LARS2: variants seen among roughly 807,000 people sequenced by gnomAD.
LARS2 encodes leucine--tRNA ligase, mitochondrial.
A neutral mutation model predicts 116.6 loss-of-function variants in LARS2; 81 were observed. The observed-to-expected ratio is 0.69, with a 90% CI of 0.58 to 0.84. The LOEUF (loss-of-function observed/expected upper bound fraction) is 0.84. LARS2 is among the 40% of genes least tolerant of loss of function. The pLI is 0.00. For synonymous variants in LARS2, 396 were observed against 407.2 expected (o/e 0.97, Z 0.33); for missense variants, 968 against 1,114.5 (o/e 0.87, Z 1.87).
At chr3:45,471,740 G>C (rs959777224) in intron 8 of LARS2, among the ~76,000 whole-genome samples, 1 of 152,170 alleles carries the variant, frequency 6.6e-6, no homozygotes, top group Non-Finnish European at 1.5e-5. Flanking sequence ...TTGGTCTTTG[G>C]AGAGGAAAAG....
At chr3:45,469,845 G>A (rs374022992) in intron 8 of LARS2, among the ~76,000 whole-genome samples, 1 of 151,990 alleles carries the variant, frequency 6.6e-6, no homozygotes, top group African/African-American at 2.4e-5. Context: ...AGAAATTTTG[G>A]CAACAAGAGT....
At chr3:45,531,241 TAA>T (rs201711221) in intron 20 of LARS2, among the ~76,000 whole-genome samples, 4 of 152,118 alleles carry the variant, frequency 2.6e-5, no homozygotes, top group African/African-American at 9.7e-5. Context: ...TGTAGACTGA[TAA>T]AAAACTATAA....
intron 20 of LARS2, among the ~76,000 whole-genome samples, chr3:45,525,842 T>G (rs766801186): frequency 3.3e-5 from 5 of 152,240 alleles, no homozygotes; most frequent in Admixed American, 6.5e-5. Flanking sequence ...CTTTCCATTC[T>G]GGAATTCGGG....
At chr3:45,452,708 A>C (rs951738766) in intron 7 of LARS2, among the ~76,000 whole-genome samples, 2 of 152,086 alleles carry the variant, frequency 1.3e-5, no homozygotes, top group Admixed American at 1.3e-4. Context: ...TATAGAATGA[A>C]TTTGGAAGAA....
intron 6 of LARS2, among the ~76,000 whole-genome samples, chr3:45,438,132 T>C (rs974873601): frequency 6.6e-6 from 1 of 152,182 alleles, no homozygotes; most frequent in African/African-American, 2.4e-5. Flanking sequence ...CTGGACCAAG[T>C]ACTTTGTCAG....
At chr3:45,478,587 A>T (rs1258840631) in intron 10 of LARS2, among the ~76,000 whole-genome samples, 1 of 152,216 alleles carries the variant, frequency 6.6e-6, no homozygotes, top group Non-Finnish European at 1.5e-5. Flanking sequence ...GACCTGGCCT[A>T]GTCATTTCAT....
chr3:45,412,210 A>G (rs1270082245), intron 4 of LARS2, among the ~76,000 whole-genome samples: 1 of 152,084 alleles, frequency 6.6e-6, no homozygotes, highest in African/African-American at 2.4e-5. Flanking sequence ...TATACCCAGT[A>G]ATGGGATTGC....
chr3:45,526,002 G>C (rs930801264), intron 20 of LARS2, among the ~76,000 whole-genome samples: 1 of 152,206 alleles, frequency 6.6e-6, no homozygotes, highest in African/African-American at 2.4e-5. Flanking sequence ...GGGAAAGAGA[G>C]AGGAGGAGGA....
chr3:45,458,725 G>A lies in LARS2; in HGVS notation c.607-18G>A, dbSNP rs1699258330. On this transcript the variant is annotated intron_variant, in intron 7 of 21. Transcript: ENST00000645846. The stretch of plus-strand genomic sequence containing the variant: ...AGTACTCACCAGATTGTGCCATTTT[G>A]TTTCATGAATTATACAGGCCCTGGT... 2 of 1,612,850 alleles carry A rather than the reference G, an allele frequency of 1.2e-6. No homozygotes were observed. The highest frequency in any genetic ancestry group is 1.7e-6 in the Non-Finnish European group (2 of 1,179,180).
intron 10 of LARS2, among the ~76,000 whole-genome samples, chr3:45,483,020 C>T (rs1699732794): frequency 6.6e-6 from 1 of 152,224 alleles, no homozygotes; most frequent in Non-Finnish European, 1.5e-5. Context: ...GCACATCCTC[C>T]ATGGCCACAC....
chr3:45,467,028 C>T (rs562933972), intron 8 of LARS2, among the ~76,000 whole-genome samples: 1 of 152,006 alleles, frequency 6.6e-6, no homozygotes, highest in South Asian at 2.1e-4. Context: ...AGCACATTAG[C>T]GATAGGAAAT....
intron 4 of LARS2, among the ~76,000 whole-genome samples, chr3:45,405,438 G>T (rs563548896): frequency 5.3e-5 from 8 of 152,140 alleles, no homozygotes; most frequent in Admixed American, 2.0e-4. Flanking sequence ...GTTTTTAAAA[G>T]CATACAACTC....
chr3:45,437,000 A>T (rs909847230), intron 6 of LARS2, among the ~76,000 whole-genome samples: 1 of 152,182 alleles, frequency 6.6e-6, no homozygotes, highest in Non-Finnish European at 1.5e-5. Flanking sequence ...CTCAAAAAAT[A>T]TTGGCCAAGA....
At chr3:45,433,395 G>A (rs1183256579) in intron 6 of LARS2, among the ~76,000 whole-genome samples, 1 of 151,974 alleles carries the variant, frequency 6.6e-6, no homozygotes, top group Non-Finnish European at 1.5e-5. Context: ...TCTATAGTGT[G>A]TTTTAGTATC....
intron 6 of LARS2, among the ~76,000 whole-genome samples, chr3:45,437,052 G>T (rs1036914185): frequency 3.3e-5 from 5 of 152,048 alleles, no homozygotes; most frequent in Non-Finnish European, 7.3e-5. Context: ...AGCTGTTTTC[G>T]GTTAAAAAAG....
chr3:45,446,098 A>G lies in LARS2; in HGVS notation c.517-793A>G, dbSNP rs573878456. Among the ~76,000 whole-genome samples the G allele has an allele frequency of 9.8e-5, 15 of 152,292 alleles. No individual in the cohort carries two copies. The South Asian group carries it at 2.1e-3, about 21-fold the overall frequency. ...TCTTAAAAATAAAAAAGTCTGTTAC[A>G]AACGGAGTCATTTGAAACATTCCCT... On this transcript the variant is annotated intron_variant, in intron 6 of 21. Coordinates refer to ENST00000645846, the MANE Select transcript of LARS2 (RefSeq NM_015340.4).
chr3:45,417,372 C>T, intron 4 of LARS2, 110 bp from the exon 5 acceptor site: 1 of 812,874 alleles, frequency 1.2e-6, no homozygotes, highest in Admixed American at 2.1e-5. Flanking sequence ...AAACATCCAG[C>T]AAAAGATAAG....
At chr3:45,455,977 G>A (rs949919494) in intron 7 of LARS2, among the ~76,000 whole-genome samples, 2 of 152,056 alleles carry the variant, frequency 1.3e-5, no homozygotes, top group African/African-American at 2.4e-5. Flanking sequence ...GTAGAATGAT[G>A]GTTACCAGAG....
At chr3:45,439,345 C>T (rs1698865165) in intron 6 of LARS2, among the ~76,000 whole-genome samples, 1 of 151,280 alleles carries the variant, frequency 6.6e-6, no homozygotes, top group South Asian at 2.1e-4. Context: ...CTCAGCCTCC[C>T]GAGTAGCTGG....
Sources: gnomAD v4.1 joint callset for allele counts (sites outside exome capture counted in the v4.1 genomes callset) on GRCh38, gnomAD v4.1.1 for gene constraint, MANE v1.5 for transcripts, NCBI Gene and HGNC (gene_info 2026-07-23, HGNC 2026-07-21) for gene names.